CHST8: variants seen among roughly 807,000 people sequenced by gnomAD.
CHST8 encodes GALNAC-4-ST1.
Under a neutral mutation model 15.0 loss-of-function variants are expected in CHST8, and 10 were observed. The observed-to-expected ratio is 0.67, with a 90% CI of 0.41 to 1.13. The LOEUF is 1.13. Ranked by LOEUF, CHST8 falls within the 50% of genes most tolerant of loss-of-function variation. The pLI, the probability that CHST8 is intolerant of heterozygous loss-of-function variation, is 0.00. For missense variants in CHST8, 634 were observed against 608.2 expected (o/e 1.04, Z -0.45); for synonymous variants, 259 against 256.6 (o/e 1.01, Z -0.09).
chr19:33,747,643 G>A (rs1381294458), intron 3 of CHST8, among the ~76,000 whole-genome samples: 1 of 152,174 alleles, frequency 6.6e-6, no homozygotes, highest in Admixed American at 6.5e-5. Flanking sequence ...CCCGGCAGGA[G>A]CAGGAGAGGG....
intron 3 of CHST8, among the ~76,000 whole-genome samples, chr19:33,706,236 CACTGCCCTTCAG>C (rs1490117119): frequency 9.2e-5 from 14 of 152,202 alleles, no homozygotes; most frequent in Non-Finnish European, 1.9e-4. Flanking sequence ...AGCTGCACGG[CACTGCCCTTCAG>C]ACTGTCAGGG....
chr19:33,742,533 G>T (rs979424020), intron 3 of CHST8, among the ~76,000 whole-genome samples: 1 of 152,160 alleles, frequency 6.6e-6, no homozygotes, highest in African/African-American at 2.4e-5. Flanking sequence ...AGGGCAACAA[G>T]CCATTCATGA....
At chr19:33,751,736 G>T (rs993215508) in intron 3 of CHST8, among the ~76,000 whole-genome samples, 4 of 152,230 alleles carry the variant, frequency 2.6e-5, no homozygotes, top group Admixed American at 2.6e-4. Flanking sequence ...GTGGATGAGG[G>T]TGACCCACTT....
intron 1 of CHST8, among the ~76,000 whole-genome samples, chr19:33,663,801 T>C (rs1196078214): frequency 6.6e-6 from 1 of 151,524 alleles, no homozygotes; most frequent in African/African-American, 2.4e-5. Flanking sequence ...ACTCGGGAGG[T>C]GGAGTTTGCA....
intron 3 of CHST8, among the ~76,000 whole-genome samples, chr19:33,758,838 T>C (rs1229834223): frequency 3.3e-5 from 5 of 152,136 alleles, no homozygotes; most frequent in Non-Finnish European, 7.3e-5. Flanking sequence ...GACTGGGCAG[T>C]TTATAAAGAA....
intron 3 of CHST8, among the ~76,000 whole-genome samples, chr19:33,690,777 G>C (rs551801320): frequency 6.6e-6 from 1 of 152,344 alleles, no homozygotes; most frequent in South Asian, 2.1e-4. Context: ...CCCCAGAACA[G>C]CTCATGACAC....
At chr19:33,741,072 T>C (rs1203450438) in intron 3 of CHST8, among the ~76,000 whole-genome samples, 1 of 152,226 alleles carries the variant, frequency 6.6e-6, no homozygotes, top group Non-Finnish European at 1.5e-5. Flanking sequence ...CTGTTTGTGG[T>C]GTCAGCCTCG....
chr19:33,673,556 C>T (rs746197853), intron 2 of CHST8, among the ~76,000 whole-genome samples: 1 of 152,130 alleles, frequency 6.6e-6, no homozygotes, highest in African/African-American at 2.4e-5. Context: ...AAGTGTGGCA[C>T]TCCTTGCACA....
intron 3 of CHST8, among the ~76,000 whole-genome samples, chr19:33,741,041 G>A (rs921027876): frequency 6.6e-6 from 1 of 152,218 alleles, no homozygotes; most frequent in African/African-American, 2.4e-5. Flanking sequence ...AGTTGCCTGA[G>A]CTGCTGCGGC....
chr19:33,644,994 T>C (rs1380842793), intron 1 of CHST8, among the ~76,000 whole-genome samples: 1 of 152,158 alleles, frequency 6.6e-6, no homozygotes, highest in East Asian at 1.9e-4. Flanking sequence ...ACATTTTTGA[T>C]GGTCATGACT....
At chr19:33,729,339 T>C (rs1213556735) in intron 3 of CHST8, among the ~76,000 whole-genome samples, 1 of 152,210 alleles carries the variant, frequency 6.6e-6, no homozygotes, top group African/African-American at 2.4e-5. Flanking sequence ...TTCCTTGCCA[T>C]GTGGGCCTCT....
Position 33,772,665 on chromosome 19 carries a change from G to T in CHST8, c.877G>T (p.Ala293Ser), listed in dbSNP as rs747129678. 1.5e-5 allele frequency: 25 copies of T among 1,613,860 alleles called. No homozygotes were observed. The highest frequency in any genetic ancestry group is 2.0e-5 in the Non-Finnish European group (24 of 1,180,040). Residue 293 changes from alanine (A) to serine (S), a missense_variant, in exon 5 of 5, where the codon GCC (alanine) becomes TCC (serine). By Grantham distance (99) the Ala-to-Ser change is moderately conservative. Transcript: ENST00000650847. ...CAAGGCCATCCTGGCCCGGTACCGC[G>T]CCAATGCCTCTCGGGAGGCCCTGCG... is the stretch of plus-strand genomic sequence containing the variant. ...FGKAILARYRANASREALRTG... is the reference protein window; with the variant it reads ...FGKAILARYRSNASREALRTG...
chr19:33,702,355 T>C lies in CHST8; in HGVS notation c.130+12964T>C, dbSNP rs141399761. Among the ~76,000 whole-genome samples, 203 of 152,332 alleles carry C rather than the reference T, an allele frequency of 1.3e-3. 1 individual carries two copies. The highest frequency in any genetic ancestry group is 4.8e-3 in the African/African-American group (198 of 41,580). ...TGCAGTGCAGTGGCATGATCATAGCTCTCTGCCACCTCAAACTCCTCGATA... is the reference window on the plus strand; with the variant it reads ...TGCAGTGCAGTGGCATGATCATAGCCCTCTGCCACCTCAAACTCCTCGATA... On this transcript the variant is annotated intron_variant, in intron 3 of 4. Coordinates refer to ENST00000650847, the MANE Select transcript of CHST8 (RefSeq NM_001127895.2).
intron 3 of CHST8, among the ~76,000 whole-genome samples, chr19:33,695,882 G>A (rs956090840): frequency 7.2e-6 from 1 of 138,686 alleles, no homozygotes; most frequent in Non-Finnish European, 1.5e-5. Context: ...CTGGAGTACG[G>A]TGGTGTAATC....
chr19:33,741,762 T>C (rs2145341276), intron 3 of CHST8, among the ~76,000 whole-genome samples: 1 of 152,176 alleles, frequency 6.6e-6, no homozygotes, highest in Non-Finnish European at 1.5e-5. Flanking sequence ...GGAAGTAATA[T>C]TGCCTTTGAT....
chr19:33,737,107 G>T (rs931921816), intron 3 of CHST8, among the ~76,000 whole-genome samples: 1 of 152,170 alleles, frequency 6.6e-6, no homozygotes, highest in Non-Finnish European at 1.5e-5. Context: ...TCAGTTCCAG[G>T]AACTCCCAGC....
chr19:33,651,460 G>GT (rs1417547707), intron 1 of CHST8, among the ~76,000 whole-genome samples: 1 of 151,928 alleles, frequency 6.6e-6, no homozygotes, highest in African/African-American at 2.4e-5. Context: ...ACATAAATGT[G>GT]TTTTTTTCTC....
At chr19:33,713,827 G>A (rs1973606527) in intron 3 of CHST8, among the ~76,000 whole-genome samples, 1 of 152,132 alleles carries the variant, frequency 6.6e-6, no homozygotes, top group Non-Finnish European at 1.5e-5. Flanking sequence ...CCTAGTGTTG[G>A]AATTACAGGC....
chr19:33,716,606 G>C (rs1246861980), intron 3 of CHST8, among the ~76,000 whole-genome samples: 2 of 152,126 alleles, frequency 1.3e-5, no homozygotes, highest in African/African-American at 4.8e-5. Context: ...GGGCTGAAGC[G>C]ATCCTCCCGC....
Sources: gnomAD v4.1 joint callset for allele counts (sites outside exome capture counted in the v4.1 genomes callset) on GRCh38, gnomAD v4.1.1 for gene constraint, MANE v1.5 for transcripts, NCBI Gene and HGNC (gene_info 2026-07-23, HGNC 2026-07-21) for gene names.